SMAD3: variants seen among roughly 807,000 people sequenced by gnomAD.
The protein encoded by SMAD3 is MAD homolog 3.
A neutral mutation model predicts 51.8 loss-of-function variants in SMAD3; 12 were observed. The ratio of observed to expected loss-of-function variants is 0.23; its 90% CI spans 0.15 to 0.38. The LOEUF (loss-of-function observed/expected upper bound fraction) is 0.38, where lower values mean the gene tolerates loss of function less well. Among genes scored for constraint, SMAD3 ranks in the 10% least tolerant of loss-of-function variants. SMAD3 has a pLI of 1.00. For synonymous variants in SMAD3, 238 were observed against 227.7 expected (o/e 1.05, Z -0.41); for missense variants, 294 against 565.6 (o/e 0.52, Z 4.87).
chr15:67,106,486 C>T (rs1232561066), intron 1 of SMAD3, among the ~76,000 whole-genome samples: 1 of 152,096 alleles, frequency 6.6e-6, no homozygotes, highest in Admixed American at 6.5e-5. Flanking sequence ...TAACTCTATC[C>T]CCAATACACT....
intron 1 of SMAD3, among the ~76,000 whole-genome samples, chr15:67,106,913 G>A (rs767570733): frequency 1.3e-5 from 2 of 152,164 alleles, no homozygotes; most frequent in African/African-American, 4.8e-5. Context: ...AGGGGACCCA[G>A]AACGGTGGTA....
At chr15:67,183,000 A>AATATATATATATATAT (rs1555413788) in intron 6 of SMAD3, among the ~76,000 whole-genome samples, 3 of 43,646 alleles carry the variant, frequency 6.9e-5, no homozygotes, top group Admixed American at 3.4e-4. Context: ...AAAAAAAAAA[A>AATATATATATATATAT]ATATATATAT....
intron 1 of SMAD3, among the ~76,000 whole-genome samples, chr15:67,066,966 C>T (rs1959936799): frequency 6.6e-6 from 1 of 152,192 alleles, no homozygotes. Context: ...GTGCCAGTCT[C>T]CCGCCCCCTG....
At position 67,065,987 on chromosome 15, in the gene SMAD3, C is replaced by T; in HGVS notation, c.-168C>T. 1 of 245,094 alleles carries T rather than the reference C, an allele frequency of 4.1e-6. No individual in the cohort carries two copies. 15.2% of individuals were successfully genotyped at this position (245,094 alleles called of 1,614,324 possible). On this transcript the variant is annotated 5_prime_UTR_variant, in exon 1 of 9. Coordinates refer to ENST00000327367, the MANE Select transcript of SMAD3 (RefSeq NM_005902.4). Reference sequence around the variant, plus strand: ...AGGGCCGCGCGCCGAGCCCCGCAGGCTGCAGCGCCGCGGCCCGGCCCGGCG... The same window carrying T: ...AGGGCCGCGCGCCGAGCCCCGCAGGTTGCAGCGCCGCGGCCCGGCCCGGCG...
At chr15:67,098,471 T>C (rs943025084) in intron 1 of SMAD3, 1 of 222,690 alleles carries the variant, frequency 4.5e-6, no homozygotes, top group Non-Finnish European at 9.0e-6. Flanking sequence ...GGTTGAGAAA[T>C]GAATGTCAGA....
intron 1 of SMAD3, among the ~76,000 whole-genome samples, chr15:67,121,350 T>C (rs926649880): frequency 2.6e-5 from 4 of 152,136 alleles, no homozygotes; most frequent in African/African-American, 9.7e-5. Flanking sequence ...GCCGGCCTTG[T>C]GGGTCCTGAG....
At chr15:67,073,220 T>G (rs1960095138) in intron 1 of SMAD3, among the ~76,000 whole-genome samples, 1 of 152,376 alleles carries the variant, frequency 6.6e-6, no homozygotes, top group East Asian at 1.9e-4. Flanking sequence ...AATCCTTTGT[T>G]TCGACTTAAC....
intron 1 of SMAD3, chr15:67,137,901 C>T: frequency 4.4e-6 from 3 of 674,692 alleles, no homozygotes; most frequent in South Asian, 3.5e-5. Flanking sequence ...TGGGTGTTGC[C>T]AGGGCTCTTC....
At chr15:67,149,280 C>G (rs959265504) in intron 1 of SMAD3, among the ~76,000 whole-genome samples, 4 of 152,180 alleles carry the variant, frequency 2.6e-5, no homozygotes, top group African/African-American at 9.7e-5. Context: ...TTTTGAGTTT[C>G]TATGCCTGTA....
chr15:67,148,875 C>G (rs1351768904), intron 1 of SMAD3, among the ~76,000 whole-genome samples: 1 of 152,230 alleles, frequency 6.6e-6, no homozygotes, highest in Non-Finnish European at 1.5e-5. Flanking sequence ...ATGTGACCTG[C>G]AAGCCCCTCG....
At chr15:67,176,937 T>C (rs1471396753) in intron 5 of SMAD3, among the ~76,000 whole-genome samples, 1 of 152,214 alleles carries the variant, frequency 6.6e-6, no homozygotes, top group Admixed American at 6.5e-5. Context: ...CCACCCCAGC[T>C]GTGCAAAATG....
intron 1 of SMAD3, among the ~76,000 whole-genome samples, chr15:67,121,762 A>G (rs1358622430): frequency 2.6e-5 from 4 of 151,918 alleles, no homozygotes; most frequent in African/African-American, 9.7e-5. Flanking sequence ...ATTTCTTGAT[A>G]TGAGGAAATT....
intron 1 of SMAD3, among the ~76,000 whole-genome samples, chr15:67,124,940 G>A (rs1053890269): frequency 6.6e-6 from 1 of 152,206 alleles, no homozygotes; most frequent in Non-Finnish European, 1.5e-5. Flanking sequence ...CTGTCTCTTA[G>A]CAAAAAGCTA....
intron 1 of SMAD3, among the ~76,000 whole-genome samples, chr15:67,108,061 G>T (rs767552021): frequency 3.5e-4 from 52 of 147,940 alleles, no homozygotes; most frequent in Admixed American, 8.4e-4. Flanking sequence ...GAACCCTTCC[G>T]TCCAGTGGTT....
intron 1 of SMAD3, among the ~76,000 whole-genome samples, chr15:67,105,281 G>A (rs1456215584): frequency 1.3e-5 from 2 of 152,172 alleles, no homozygotes; most frequent in East Asian, 3.9e-4. Context: ...TCTACAGGGA[G>A]GGAGTAGCTG....
At chr15:67,082,132 G>C (rs1960292401) in intron 1 of SMAD3, among the ~76,000 whole-genome samples, 1 of 147,440 alleles carries the variant, frequency 6.8e-6, no homozygotes, top group South Asian at 2.2e-4. Context: ...CTTGCAGTCA[G>C]GTGGAGAGAT....
At chr15:67,088,780 A>G (rs1202951510) in intron 1 of SMAD3, among the ~76,000 whole-genome samples, 1 of 152,098 alleles carries the variant, frequency 6.6e-6, no homozygotes, top group East Asian at 1.9e-4. Flanking sequence ...TACAAAAATG[A>G]GCCAGGTGTG....
intron 1 of SMAD3, among the ~76,000 whole-genome samples, chr15:67,142,314 T>A (rs1301771966): frequency 1.3e-5 from 2 of 151,434 alleles, no homozygotes; most frequent in Admixed American, 6.6e-5. Context: ...TGTGAACATT[T>A]ACTGTACCTC....
chr15:67,183,000 A>ATATATATAT (rs1555413789), intron 6 of SMAD3, among the ~76,000 whole-genome samples: 10 of 43,638 alleles, frequency 2.3e-4, no homozygotes, highest in East Asian at 5.5e-4. Flanking sequence ...AAAAAAAAAA[A>ATATATATAT]ATATATATAT....
Sources: allele counts gnomAD v4.1 joint callset (sites outside exome capture counted in the v4.1 genomes callset), GRCh38; gene constraint gnomAD v4.1.1; transcripts MANE v1.5; gene names NCBI Gene and HGNC (gene_info 2026-07-23, HGNC 2026-07-21).